Variants in ATF7IP2 observed in about 807,000 individuals in gnomAD.
ATF7IP2 encodes the protein activating transcription factor 7 interacting protein 2, also known as activating transcription factor 7-interacting protein 2.
In ATF7IP2, 42 loss-of-function variants were observed where a neutral mutation model predicts 64.2. That is an observed-to-expected ratio of 0.65 (90% CI 0.51 to 0.85). ATF7IP2 has a LOEUF of 0.85. Among genes scored for constraint, ATF7IP2 ranks in the 40% least tolerant of loss-of-function variants. The probability of loss-of-function intolerance (pLI) is 0.00; values close to 1 mark genes in which losing one functional copy is unlikely to be tolerated. For synonymous variants in ATF7IP2, 308 were observed against 272.8 expected (o/e 1.13, Z -1.27); for missense variants, 933 against 784.2 (o/e 1.19, Z -2.27).
At chr16:10,399,253 T>C (rs1483833127) in intron 1 of ATF7IP2, among the ~76,000 whole-genome samples, 1 of 152,218 alleles carries the variant, frequency 6.6e-6, no homozygotes, top group Admixed American at 6.5e-5. Context: ...AAAATAGTAA[T>C]ACTAAACTGA....
At chr16:10,444,851 G>A (rs1406273705) in intron 8 of ATF7IP2, among the ~76,000 whole-genome samples, 1 of 152,054 alleles carries the variant, frequency 6.6e-6, no homozygotes, top group Non-Finnish European at 1.5e-5. Flanking sequence ...TTTCAAACCT[G>A]GGTACAATAT....
At chr16:10,476,488 G>T (rs1463764278) in intron 12 of ATF7IP2, among the ~76,000 whole-genome samples, 1 of 151,902 alleles carries the variant, frequency 6.6e-6, no homozygotes, top group African/African-American at 2.4e-5. Context: ...CCCCAGTTGT[G>T]TGTGTGTGTG....
intron 3 of ATF7IP2, among the ~76,000 whole-genome samples, chr16:10,423,823 T>A (rs2048032784): frequency 6.6e-6 from 1 of 152,150 alleles, no homozygotes; most frequent in African/African-American, 2.4e-5. Flanking sequence ...GTCCCATTGT[T>A]ACCCTGATGC....
chr16:10,399,451 T>C (rs1368766336), intron 1 of ATF7IP2, among the ~76,000 whole-genome samples: 1 of 152,244 alleles, frequency 6.6e-6, no homozygotes, highest in African/African-American at 2.4e-5. Context: ...TATGTGTCCT[T>C]TCTGCAGCAT....
intron 2 of ATF7IP2, among the ~76,000 whole-genome samples, chr16:10,417,095 A>G (rs1167253803): frequency 6.6e-6 from 1 of 152,230 alleles, no homozygotes; most frequent in Non-Finnish European, 1.5e-5. Context: ...AAACAATCAC[A>G]TAAAGGAAGA....
chr16:10,475,722 G>GAAAAAAAA (rs386384218), intron 12 of ATF7IP2, among the ~76,000 whole-genome samples: 7 of 41,632 alleles, frequency 1.7e-4, no homozygotes, highest in African/African-American at 6.0e-4. Flanking sequence ...TAAGAAGCCA[G>GAAAAAAAA]AAAAAAAAAA....
At chr16:10,392,591 A>G (rs940191416) in intron 1 of ATF7IP2, among the ~76,000 whole-genome samples, 23 of 152,170 alleles carry the variant, frequency 1.5e-4, no homozygotes, top group African/African-American at 5.5e-4. Flanking sequence ...GAGACTAGAA[A>G]GACTTTGTAG....
rs1306066628 is a variant in ATF7IP2 at position 10,483,526 on chromosome 16, C to T, written c.*1277C>T. On this transcript the variant is annotated 3_prime_UTR_variant, in exon 14 of 14. Transcript: ENST00000562102. Reference sequence around the variant, plus strand: ...TTTGAAAGTTCGAAAGAGGGGCATTCTTTTCTGGTACATGGTGAGAGTTCA... The same window carrying T: ...TTTGAAAGTTCGAAAGAGGGGCATTTTTTTCTGGTACATGGTGAGAGTTCA... The T allele has an allele frequency of 6.6e-6, 1 of 152,152 alleles. No individual in the cohort carries two copies. The highest frequency in any genetic ancestry group is 1.5e-5 in the Non-Finnish European group (1 of 68,022). 9.4% of individuals were successfully genotyped at this position (152,152 alleles called of 1,614,324 possible).
At chr16:10,428,713 C>T (rs1431940757) in intron 3 of ATF7IP2, among the ~76,000 whole-genome samples, 155 bp from the exon 4 acceptor site, 1 of 152,114 alleles carries the variant, frequency 6.6e-6, no homozygotes, top group African/African-American at 2.4e-5. Flanking sequence ...AGAAGGTAAT[C>T]AGGAAAAAAT....
chr16:10,399,657 G>C (rs1169239929), intron 1 of ATF7IP2, among the ~76,000 whole-genome samples: 1 of 152,180 alleles, frequency 6.6e-6, no homozygotes, highest in Non-Finnish European at 1.5e-5. Context: ...GCTTAGGATT[G>C]CTTTGGCTAT....
At chr16:10,439,986 C>A (rs2141923622) in intron 7 of ATF7IP2, among the ~76,000 whole-genome samples, 1 of 151,754 alleles carries the variant, frequency 6.6e-6, no homozygotes, top group South Asian at 2.1e-4. Flanking sequence ...CATGGAGAAA[C>A]CCCGTCACTA....
chr16:10,464,156 A>T (rs975127145), intron 9 of ATF7IP2, among the ~76,000 whole-genome samples: 6 of 151,956 alleles, frequency 3.9e-5, no homozygotes, highest in Admixed American at 3.3e-4. Context: ...ATATTTAGAT[A>T]TTTTTTTCCC....
At position 10,431,172 on chromosome 16, in the gene ATF7IP2, A is replaced by G. The variant is rs1186159785; in HGVS notation, c.552A>G (p.Thr184=). ...GTGTTGTTCAGATGCCAGAGTCTAC[A>G]GTAACCAGTACCGTGGGTGACAAGA... ...LSGVVQMPES[T]VTSTVGDKKT... Residue 184 remains threonine, a synonymous_variant, in exon 5 of 14, where the codon ACA becomes ACG. Transcript: ENST00000562102. 6.2e-7 allele frequency: 1 copy of G among 1,614,130 alleles called. No individual in the cohort carries two copies. The highest frequency in any genetic ancestry group is 8.5e-7 in the Non-Finnish European group (1 of 1,180,058).
intron 12 of ATF7IP2, among the ~76,000 whole-genome samples, chr16:10,476,936 G>T (rs1277366885): frequency 6.6e-6 from 1 of 152,034 alleles, no homozygotes. Flanking sequence ...TGTCTTTGCT[G>T]TTGTGATTAG....
At chr16:10,411,813 C>T (rs965928249) in intron 1 of ATF7IP2, among the ~76,000 whole-genome samples, 2 of 151,534 alleles carry the variant, frequency 1.3e-5, no homozygotes, top group Non-Finnish European at 2.9e-5. Flanking sequence ...AGTTTATATG[C>T]ATAAAGGTGT....
At chr16:10,413,282 CT>C (rs1312838604) in intron 1 of ATF7IP2, among the ~76,000 whole-genome samples, 1 of 152,140 alleles carries the variant, frequency 6.6e-6, no homozygotes, top group Non-Finnish European at 1.5e-5. Context: ...GGGGACCAGT[CT>C]TTCTCATGCT....
At chr16:10,387,063 T>C (rs1453444878) in intron 1 of ATF7IP2, 1 of 152,186 alleles carries the variant, frequency 6.6e-6, no homozygotes, top group South Asian at 2.1e-4. Context: ...ATTAGAAAAA[T>C]TATGTCATAT....
At chr16:10,410,781 A>G (rs8053401) in intron 1 of ATF7IP2, among the ~76,000 whole-genome samples, 88,523 of 151,926 alleles carry the variant, frequency 0.58, 25,976 homozygotes, top group East Asian at 0.76. Context: ...GTCTTTCAGG[A>G]TATCTGCTTC....
rs137970931 is a variant in ATF7IP2 at position 10,440,775 on chromosome 16, A to T, written c.1194+313A>T. On this transcript the variant is annotated intron_variant, in intron 8 of 13. Transcript: ENST00000562102. ...ATTATGTGTTTTTAATTATAGTTTA[A>T]GTTCTGGGGTACATGAGCAAAATGT... Among the ~76,000 whole-genome samples, 443 of 152,342 alleles carry T rather than the reference A, an allele frequency of 2.9e-3. 4 individuals are homozygous for T. The highest frequency in any genetic ancestry group is 0.01 in the African/African-American group (426 of 41,580).
Sources: allele counts gnomAD v4.1 joint callset (sites outside exome capture counted in the v4.1 genomes callset), GRCh38; gene constraint gnomAD v4.1.1; transcripts MANE v1.5; gene names NCBI Gene and HGNC (gene_info 2026-07-23, HGNC 2026-07-21).